The following AGBL3 variants were observed in gnomAD, a reference collection of about 807,000 sequenced individuals.
The protein encoded by AGBL3 is cytosolic carboxypeptidase 3.
A neutral mutation model predicts 94.5 loss-of-function variants in AGBL3; 68 were observed. The observed-to-expected ratio is 0.72, with a 90% CI of 0.59 to 0.88. The LOEUF (loss-of-function observed/expected upper bound fraction) is 0.88, where lower values mean the gene tolerates loss of function less well. Among genes scored for constraint, AGBL3 ranks in the 40% least tolerant of loss-of-function variants. AGBL3 has a pLI of 0.00. For synonymous variants in AGBL3, 354 were observed against 370.7 expected (o/e 0.95, Z 0.52); for missense variants, 934 against 1,103.8 (o/e 0.85, Z 2.18).
intron 15 of AGBL3, among the ~76,000 whole-genome samples, chr7:135,115,044 G>A (rs957443925): frequency 6.6e-6 from 1 of 151,982 alleles, no homozygotes; most frequent in Non-Finnish European, 1.5e-5. Flanking sequence ...CCTTTGTCTC[G>A]AATTATCTTT....
intron 4 of AGBL3, among the ~76,000 whole-genome samples, chr7:135,008,615 A>G (rs376220909): frequency 1.1e-5 from 1 of 94,816 alleles, no homozygotes; most frequent in South Asian, 2.8e-4. Context: ...ACAAGCAACA[A>G]CTGAAAAAAA....
intron 5 of AGBL3, among the ~76,000 whole-genome samples, chr7:135,032,622 G>T (rs1394429314): frequency 6.6e-6 from 1 of 151,904 alleles, no homozygotes; most frequent in Non-Finnish European, 1.5e-5. Context: ...CTGGCCAAAT[G>T]AGTATTTTTA....
intron 5 of AGBL3, among the ~76,000 whole-genome samples, chr7:135,026,601 C>A (rs1173768137): frequency 1.3e-5 from 2 of 151,512 alleles, no homozygotes; most frequent in African/African-American, 4.8e-5. Context: ...GGAAATATTT[C>A]TTTTTATCTC....
intron 15 of AGBL3, among the ~76,000 whole-genome samples, chr7:135,090,925 T>G (rs944363794): frequency 2.0e-5 from 3 of 152,142 alleles, no homozygotes; most frequent in African/African-American, 4.8e-5. Flanking sequence ...ATACTTCTGC[T>G]GTAGTTCCAG....
chr7:135,034,474 T>C lies in AGBL3; in HGVS notation c.883T>C (p.Phe295Leu). Residue 295 changes from phenylalanine (F) to leucine (L), a missense_variant, in exon 7 of 17, where the codon TTT becomes CTT. Physicochemically the swap from Phe to Leu is conservative, Grantham distance 22. Coordinates refer to ENST00000436302, the MANE Select transcript of AGBL3 (RefSeq NM_178563.4). ...TCCACACAACAAAGATACCTGCTAC[T>C]TTGCTCATTGCTATCCATACACTTA... ...QFPHNKDTCY[F>L]AHCYPYTYTN... is the part of the protein sequence containing the mutation. The C allele has an allele frequency of 1.9e-6, 3 of 1,551,870 alleles. No homozygotes were observed. Among genetic ancestry groups the C allele is most frequent in the Non-Finnish European group, 2.6e-6 (3 of 1,147,026 alleles).
At chr7:134,994,146 C>A (rs960800910) in intron 4 of AGBL3, among the ~76,000 whole-genome samples, 1 of 152,178 alleles carries the variant, frequency 6.6e-6, no homozygotes. Context: ...GAGGCTATGC[C>A]GGAATGGCTG....
intron 4 of AGBL3, among the ~76,000 whole-genome samples, chr7:135,000,024 G>A (rs1010877304): frequency 1.3e-5 from 2 of 152,194 alleles, no homozygotes; most frequent in African/African-American, 4.8e-5. Context: ...GTAGGCTCCA[G>A]TGGAAAAGAG....
chr7:134,997,602 C>G (rs747500516), intron 4 of AGBL3, among the ~76,000 whole-genome samples: 1 of 152,182 alleles, frequency 6.6e-6, no homozygotes, highest in African/African-American at 2.4e-5. Flanking sequence ...AAAATTGATA[C>G]TGTGTGTCCA....
At chr7:135,118,788 A>T (rs1248751500) in intron 16 of AGBL3, among the ~76,000 whole-genome samples, 1 of 152,162 alleles carries the variant, frequency 6.6e-6, no homozygotes, top group Non-Finnish European at 1.5e-5. Flanking sequence ...GGAAGAAATA[A>T]AAAAATAGCC....
intron 16 of AGBL3, among the ~76,000 whole-genome samples, chr7:135,118,169 T>A (rs6971066): frequency 0.024 from 3,626 of 152,298 alleles, 147 homozygotes; most frequent in African/African-American, 0.081. Flanking sequence ...ATGCTTTTTT[T>A]AATTAAGCTA....
chr7:134,991,364 G>C (rs1418708591), intron 3 of AGBL3, among the ~76,000 whole-genome samples: 1 of 152,098 alleles, frequency 6.6e-6, no homozygotes, highest in South Asian at 2.1e-4. Flanking sequence ...CCTCCACACT[G>C]TAAGGACCCC....
intron 12 of AGBL3, among the ~76,000 whole-genome samples, chr7:135,072,193 G>T (rs1819981691): frequency 6.6e-6 from 1 of 152,198 alleles, no homozygotes; most frequent in Non-Finnish European, 1.5e-5. Flanking sequence ...TCAGAGAAAG[G>T]CAAATCAAAA....
At chr7:135,060,401 A>G (rs928419955) in intron 12 of AGBL3, among the ~76,000 whole-genome samples, 1 of 152,196 alleles carries the variant, frequency 6.6e-6, no homozygotes, top group Non-Finnish European at 1.5e-5. Flanking sequence ...TGTGGTGAGA[A>G]CACTGAAAAC....
At chr7:135,005,642 G>A (rs966646815) in intron 4 of AGBL3, among the ~76,000 whole-genome samples, 1 of 151,604 alleles carries the variant, frequency 6.6e-6, no homozygotes, top group Non-Finnish European at 1.5e-5. Context: ...CTAAAATAAC[G>A]TTTTTAAAAA....
At position 135,098,460 on chromosome 7, in the gene AGBL3, G is replaced by A. The variant is rs140686318; in HGVS notation, c.2110+16670G>A. 5.9e-5 allele frequency among the ~76,000 whole-genome samples: 9 copies of A among 152,320 alleles called. 1 individual carries two copies. Among genetic ancestry groups the A allele is most frequent in the African/African-American group, 1.9e-4 (8 of 41,582 alleles). ...AAAAAGTCTGCACGTGTTTGGTACA[G>A]ATGCATTTTTTTCCTAAATATTTTC... On this transcript the variant is annotated intron_variant, in intron 15 of 16. Coordinates refer to ENST00000436302, the MANE Select transcript of AGBL3 (RefSeq NM_178563.4).
intron 15 of AGBL3, among the ~76,000 whole-genome samples, chr7:135,104,469 G>A (rs1824341581): frequency 6.6e-6 from 1 of 152,076 alleles, no homozygotes; most frequent in South Asian, 2.1e-4. Flanking sequence ...CAGGTTGAGT[G>A]GTAATTCTGT....
chr7:135,023,358 C>A (rs568693652), intron 5 of AGBL3, among the ~76,000 whole-genome samples: 1 of 152,244 alleles, frequency 6.6e-6, no homozygotes, highest in African/African-American at 2.4e-5. Flanking sequence ...AAGCTAGGAA[C>A]CCTGCATGGG....
chr7:135,116,367 A>T (rs947245665), intron 16 of AGBL3, among the ~76,000 whole-genome samples: 3 of 152,160 alleles, frequency 2.0e-5, no homozygotes, highest in African/African-American at 7.2e-5. Context: ...GAAAAACATG[A>T]CCAATATACT....
chr7:135,129,306 G>A (rs1828395936), intron 16 of AGBL3: 2 of 1,436,000 alleles, frequency 1.4e-6, no homozygotes, highest in Non-Finnish European at 2.0e-6. Flanking sequence ...CTACCATGGG[G>A]TCTCTCCATG....
Sources: gnomAD v4.1 joint callset for allele counts (sites outside exome capture counted in the v4.1 genomes callset) on GRCh38, gnomAD v4.1.1 for gene constraint, MANE v1.5 for transcripts, NCBI Gene and HGNC (gene_info 2026-07-23, HGNC 2026-07-21) for gene names.